MYO9A: variants seen among roughly 807,000 people sequenced by gnomAD.
MYO9A encodes unconventional myosin-IXa.
A neutral mutation model predicts 293.3 loss-of-function variants in MYO9A; 103 were observed. The observed-to-expected ratio is 0.35, with a 90% CI of 0.30 to 0.41. The LOEUF is 0.41. Ranked by LOEUF, MYO9A falls within the 10% of genes least tolerant of loss-of-function variation. MYO9A has a pLI of 1.00. For missense variants in MYO9A, 2,685 were observed against 3,033.0 expected, an observed-to-expected ratio of 0.89 and a Z score of 2.69; for synonymous variants, 1,001 against 1,035.7, an observed-to-expected ratio of 0.97 and a Z score of 0.64.
At chr15:72,048,884 A>T (rs980506906) in intron 1 of MYO9A, among the ~76,000 whole-genome samples, 15 of 152,222 alleles carry the variant, frequency 9.9e-5, no homozygotes, top group Non-Finnish European at 2.1e-4. Context: ...TATATTTTTC[A>T]CTTCTAAAGT....
At chr15:71,966,866 T>G (rs191034008) in intron 13 of MYO9A, among the ~76,000 whole-genome samples, 5 of 152,290 alleles carry the variant, frequency 3.3e-5, no homozygotes, top group Non-Finnish European at 7.4e-5. Context: ...TGCCACTAAT[T>G]TGGATAAAAG....
At chr15:72,101,621 GC>G in intron 1 of MYO9A, among the ~76,000 whole-genome samples, 1 of 123,762 alleles carries the variant, frequency 8.1e-6, no homozygotes, top group African/African-American at 3.1e-5. Flanking sequence ...CCGGCCAGCC[GC>G]CCCATCCAGG....
chr15:71,956,129 A>AC (rs1399590712), intron 14 of MYO9A, among the ~76,000 whole-genome samples: 2 of 149,694 alleles, frequency 1.3e-5, no homozygotes, highest in South Asian at 2.1e-4. Context: ...ATACAGCAAG[A>AC]CCCACCTCCA....
intron 1 of MYO9A, among the ~76,000 whole-genome samples, chr15:72,112,691 T>C (rs1472078621): frequency 6.6e-6 from 1 of 152,182 alleles, no homozygotes; most frequent in Non-Finnish European, 1.5e-5. Context: ...CCTACACTCC[T>C]TGCATGTCTA....
chr15:71,875,848 G>A lies in MYO9A; in HGVS notation c.5932-10C>T, dbSNP rs371979611. ...TTTCTGTTTTTGGCACCTGACAGGG[G>A]GACAGGAGATATATGGAAATTGTGA... On this transcript the variant is annotated splice_polypyrimidine_tract_variant and intron_variant, in intron 31 of 41. Transcript: ENST00000356056. The A allele has an allele frequency of 2.1e-5, 29 of 1,354,206 alleles. No homozygotes were observed. In the African/African-American group the frequency reaches 3.8e-4, roughly 18 times the overall value. The allele number at this position is 1,354,206 out of a possible 1,614,324, so 83.9% of individuals were successfully genotyped here.
Position 71,880,464 on chromosome 15 carries a change from C to T in MYO9A, c.5493G>A (p.Lys1831=), listed in dbSNP as rs1391093000. Residue 1831 remains lysine (K), a synonymous_variant, in exon 29 of 42, where the codon AAG becomes AAA. Coordinates refer to ENST00000356056, the MANE Select transcript of MYO9A (RefSeq NM_006901.4). ...TCTTCACACTTCGCTTGCGCTTAGC[C>T]TTTGGAGAAGGTTCTTTGTTCTCTT... ...EFKENKEPSP[K]AKRKRSVKIS... The T allele has an allele frequency of 6.2e-7, 1 of 1,614,220 alleles. No individual in the cohort carries two copies. The highest frequency in any genetic ancestry group is 1.1e-5 in the South Asian group (1 of 91,090).
intron 1 of MYO9A, among the ~76,000 whole-genome samples, chr15:72,064,509 T>A (rs982409199): frequency 9.9e-5 from 15 of 152,216 alleles, no homozygotes; most frequent in Non-Finnish European, 1.8e-4. Flanking sequence ...AGGGATTGAC[T>A]GAAACAAGAG....
At chr15:72,057,291 A>C (rs2078749648) in intron 1 of MYO9A, among the ~76,000 whole-genome samples, 1 of 152,200 alleles carries the variant, frequency 6.6e-6, no homozygotes, top group African/African-American at 2.4e-5. Flanking sequence ...TAAAAATAAA[A>C]AAAACTTACT....
At chr15:72,094,421 G>A (rs181648214) in intron 1 of MYO9A, among the ~76,000 whole-genome samples, 1 of 91,036 alleles carries the variant, frequency 1.1e-5, no homozygotes, top group East Asian at 2.3e-4. Flanking sequence ...GTCAACAGGT[G>A]CCATCTTCTA....
At chr15:71,942,369 T>A (rs2058800637) in intron 15 of MYO9A, among the ~76,000 whole-genome samples, 1 of 152,078 alleles carries the variant, frequency 6.6e-6, no homozygotes, top group Admixed American at 6.5e-5. Flanking sequence ...TCTTTGTGTT[T>A]ATATGCTTTA....
chr15:71,932,608 T>C (rs921826147), intron 18 of MYO9A, among the ~76,000 whole-genome samples: 3 of 151,550 alleles, frequency 2.0e-5, no homozygotes, highest in South Asian at 4.2e-4. Context: ...TAGAGAAGTA[T>C]ACAGACAAAC....
chr15:71,888,229 G>T, intron 26 of MYO9A, 113 bp from the exon 27 acceptor site: 2 of 539,740 alleles, frequency 3.7e-6, no homozygotes, highest in East Asian at 3.2e-5. Context: ...ACAAAACATT[G>T]ATATTATTCA....
intron 6 of MYO9A, among the ~76,000 whole-genome samples, chr15:72,017,627 T>C (rs1286014792): frequency 6.6e-6 from 1 of 152,168 alleles, no homozygotes; most frequent in Non-Finnish European, 1.5e-5. Flanking sequence ...GTAATAGTAA[T>C]ACAATTAAAA....
chr15:71,963,788 T>A (rs1179819056), intron 13 of MYO9A, among the ~76,000 whole-genome samples: 1 of 152,182 alleles, frequency 6.6e-6, no homozygotes, highest in East Asian at 1.9e-4. Context: ...CCAGATCAGA[T>A]CTTTCTTATT....
At chr15:71,997,553 C>T (rs1022310437) in intron 9 of MYO9A, among the ~76,000 whole-genome samples, 11 of 151,834 alleles carry the variant, frequency 7.2e-5, no homozygotes, top group African/African-American at 2.7e-4. Context: ...TGAGCGAGAT[C>T]ACACCACTGC....
Position 71,830,024 on chromosome 15 carries a change from T to C in MYO9A, c.7040+85A>G, listed in dbSNP as rs2054653982. 9 of 1,361,674 alleles carry C rather than the reference T, an allele frequency of 6.6e-6. 1 individual carries two copies. The South Asian group carries it at 9.8e-5, about 15-fold the overall frequency. 84.3% of individuals were successfully genotyped at this position (1,361,674 alleles called of 1,614,324 possible). A position where few individuals can be genotyped will look rare whatever the true frequency, so the allele number is the denominator to read the frequency against. ...ACAGTGTTTAACACACAGGAGATAA[T>C]AAATAAGAAAAAATAAAGAAACGAT... is the stretch of plus-strand genomic sequence containing the variant. On this transcript the variant is annotated intron_variant, in intron 40 of 41. Transcript: ENST00000356056.
At chr15:71,977,024 G>T (rs760605836) in intron 12 of MYO9A, among the ~76,000 whole-genome samples, 1 of 152,096 alleles carries the variant, frequency 6.6e-6, no homozygotes, top group Non-Finnish European at 1.5e-5. Flanking sequence ...TCCAAATCTA[G>T]ATTTGCCATC....
At chr15:71,988,733 T>G (rs1171579248) in intron 11 of MYO9A, among the ~76,000 whole-genome samples, 1 of 152,214 alleles carries the variant, frequency 6.6e-6, no homozygotes, top group African/African-American at 2.4e-5. Flanking sequence ...TCTTAACTAT[T>G]TCCCTTGAGT....
At chr15:71,888,331 A>G in intron 26 of MYO9A, 1 of 300,222 alleles carries the variant, frequency 3.3e-6, no homozygotes, top group Non-Finnish European at 6.1e-6. Context: ...AACAGGATCT[A>G]CCAGTTCATA....
Sources: gnomAD v4.1 joint callset for allele counts (sites outside exome capture counted in the v4.1 genomes callset) on GRCh38, gnomAD v4.1.1 for gene constraint, MANE v1.5 for transcripts, NCBI Gene and HGNC (gene_info 2026-07-23, HGNC 2026-07-21) for gene names.